Variants in SLC35F2 observed in about 807,000 individuals in gnomAD.
SLC35F2 encodes solute carrier family 35 member F2.
A neutral mutation model predicts 38.1 loss-of-function variants in SLC35F2; 25 were observed. That is an observed-to-expected ratio of 0.66 (90% CI 0.48 to 0.92). SLC35F2 has a LOEUF of 0.92. Among genes scored for constraint, SLC35F2 ranks in the 40% least tolerant of loss-of-function variants. SLC35F2 has a pLI of 0.00. For synonymous variants in SLC35F2, 173 were observed against 181.7 expected, an observed-to-expected ratio of 0.95 and a Z score of 0.38; for missense variants, 409 against 452.9, an observed-to-expected ratio of 0.90 and a Z score of 0.88.
At chr11:107,824,188 T>C (rs11212391) in intron 1 of SLC35F2, among the ~76,000 whole-genome samples, 6,861 of 152,256 alleles carry the variant, frequency 0.045, 274 homozygotes, top group African/African-American at 0.1. Context: ...TATTGGTGTA[T>C]ATGATCACCT....
chr11:107,826,471 T>A (rs1859756802), intron 1 of SLC35F2, among the ~76,000 whole-genome samples: 1 of 152,270 alleles, frequency 6.6e-6, no homozygotes, highest in Admixed American at 6.5e-5. Context: ...CTCGAACTCC[T>A]GACCTCAGGT....
intron 7 of SLC35F2, among the ~76,000 whole-genome samples, chr11:107,798,165 A>G (rs1299805901): frequency 6.6e-6 from 1 of 151,792 alleles, no homozygotes; most frequent in Non-Finnish European, 1.5e-5. Context: ...CATCATGCCC[A>G]GCTAGTTTTT....
At chr11:107,794,945 C>G (rs1047894858) in intron 7 of SLC35F2, among the ~76,000 whole-genome samples, 2 of 152,052 alleles carry the variant, frequency 1.3e-5, no homozygotes, top group African/African-American at 4.8e-5. Flanking sequence ...GAAGGCAATC[C>G]CATTTACAAC....
intron 7 of SLC35F2, among the ~76,000 whole-genome samples, chr11:107,797,057 C>A (rs895015975): frequency 6.6e-6 from 1 of 152,148 alleles, no homozygotes; most frequent in African/African-American, 2.4e-5. Flanking sequence ...AGGTTGACTA[C>A]AGTTGAAATG....
chr11:107,857,367 G>A (rs1164371325), intron 1 of SLC35F2, among the ~76,000 whole-genome samples: 12 of 134,172 alleles, frequency 8.9e-5, no homozygotes, highest in Admixed American at 6.9e-4. Context: ...GAGAGAGGGA[G>A]AGAGGGAGGG....
intron 1 of SLC35F2, among the ~76,000 whole-genome samples, chr11:107,830,034 G>A (rs1253134042): frequency 2.6e-5 from 4 of 151,940 alleles, no homozygotes; most frequent in African/African-American, 9.7e-5. Flanking sequence ...GGCCAAGGCG[G>A]GAGGATCACC....
intron 7 of SLC35F2, among the ~76,000 whole-genome samples, chr11:107,794,480 C>T (rs993737540): frequency 6.6e-6 from 1 of 152,154 alleles, no homozygotes; most frequent in Non-Finnish European, 1.5e-5. Context: ...TGTACTGTAA[C>T]TAATGTGTAA....
chr11:107,811,055 G>A, intron 3 of SLC35F2: 1 of 984,654 alleles, frequency 1.0e-6, no homozygotes, highest in Non-Finnish European at 1.2e-6. Flanking sequence ...ACATTTTGTA[G>A]TCAGTAATGG....
At chr11:107,818,078 AAGAAAGAAAGAAAGAAAGAAAG>A (rs1859608855) in intron 1 of SLC35F2, among the ~76,000 whole-genome samples, 2 of 97,338 alleles carry the variant, frequency 2.1e-5, no homozygotes, top group African/African-American at 7.3e-5. Flanking sequence ...AAAAAAAAGA[AAGAAAGAAAGAAAGAAAGAAAG>A]AAAGAAAGAA....
At chr11:107,816,168 CCT>C in intron 1 of SLC35F2, 1 of 985,276 alleles carries the variant, frequency 1.0e-6, no homozygotes, top group Non-Finnish European at 1.2e-6. Flanking sequence ...TTTCTGATCC[CCT>C]CCATTCCCAC....
chr11:107,813,161 T>G (rs765865905), intron 2 of SLC35F2, among the ~76,000 whole-genome samples: 1 of 152,014 alleles, frequency 6.6e-6, no homozygotes, highest in Non-Finnish European at 1.5e-5. Context: ...AACACAGAAT[T>G]AGGCCGGGTG....
chr11:107,842,919 C>G (rs1197743778), intron 1 of SLC35F2, among the ~76,000 whole-genome samples: 3 of 152,098 alleles, frequency 2.0e-5, no homozygotes, highest in African/African-American at 7.2e-5. Flanking sequence ...AAATGCCCAT[C>G]AACAGCATGA....
chr11:107,803,479 G>A (rs1859346258), intron 6 of SLC35F2: 2 of 985,014 alleles, frequency 2.0e-6, no homozygotes, highest in South Asian at 9.4e-5. Context: ...CGATGCCTGT[G>A]ATAAAAGGCC....
intron 3 of SLC35F2, chr11:107,810,211 A>C: frequency 1.0e-6 from 1 of 985,412 alleles, no homozygotes; most frequent in Non-Finnish European, 1.2e-6. Context: ...ATTCTTTGCT[A>C]GGACCGTAAG....
chr11:107,842,257 C>CAAAAAAAAAAAAAAAAAAAAAA (rs541185009), intron 1 of SLC35F2, among the ~76,000 whole-genome samples: 1 of 37,902 alleles, frequency 2.6e-5, no homozygotes. Flanking sequence ...CTCCGTCTCA[C>CAAAAAAAAAAAAAAAAAAAAAA]AAAAAAAAAA....
chr11:107,847,638 T>C (rs1034261253), intron 1 of SLC35F2, among the ~76,000 whole-genome samples: 4 of 152,136 alleles, frequency 2.6e-5, no homozygotes, highest in African/African-American at 9.7e-5. Flanking sequence ...TACTTAACAT[T>C]ACAATATGAG....
At chr11:107,804,795 G>A (rs963000994) in intron 5 of SLC35F2, 25 bp from the exon 6 acceptor site, 2 of 1,579,546 alleles carry the variant, frequency 1.3e-6, no homozygotes, top group Middle Eastern at 3.3e-4. Context: ...AGAGGTCACA[G>A]AGAGGTCCAC....
intron 1 of SLC35F2, among the ~76,000 whole-genome samples, chr11:107,825,259 C>T (rs1239773758): frequency 2.0e-5 from 3 of 151,854 alleles, no homozygotes; most frequent in African/African-American, 7.3e-5. Context: ...TAGCCTGGTG[C>T]TTCTCAAACT....
chr11:107,804,800 G>T (rs1239108975), intron 5 of SLC35F2, 30 bp from the exon 6 acceptor site: 2 of 1,547,612 alleles, frequency 1.3e-6, no homozygotes, highest in Non-Finnish European at 1.8e-6. Flanking sequence ...TCACAGAGAG[G>T]TCCACATACT....
Sources: gnomAD v4.1 joint callset for allele counts (sites outside exome capture counted in the v4.1 genomes callset) on GRCh38, gnomAD v4.1.1 for gene constraint, MANE v1.5 for transcripts, NCBI Gene and HGNC (gene_info 2026-07-23, HGNC 2026-07-21) for gene names.